Variants in CACNA2D4 observed in about 807,000 individuals in gnomAD.
The protein encoded by CACNA2D4 is calcium voltage-gated channel auxiliary subunit alpha2delta 4.
Under a neutral mutation model 163.8 loss-of-function variants are expected in CACNA2D4, and 157 were observed. The ratio of observed to expected loss-of-function variants is 0.96; its 90% CI spans 0.84 to 1.09. The LOEUF (loss-of-function observed/expected upper bound fraction) is 1.09, where lower values mean the gene tolerates loss of function less well. Ranked by LOEUF, CACNA2D4 falls within the 50% of genes least tolerant of loss-of-function variation. The pLI, the probability that CACNA2D4 is intolerant of heterozygous loss-of-function variation, is 0.00. For synonymous variants in CACNA2D4, 598 were observed against 586.9 expected (o/e 1.02, Z -0.27); for missense variants, 1,410 against 1,479.9 (o/e 0.95, Z 0.78).
intron 18 of CACNA2D4, among the ~76,000 whole-genome samples, chr12:1,871,894 T>C (rs1865796217): frequency 6.6e-6 from 1 of 152,208 alleles, no homozygotes; most frequent in Non-Finnish European, 1.5e-5. Flanking sequence ...TTGTTTGAAA[T>C]GATCAAAAAC....
chr12:1,864,157 T>C (rs1865588567), intron 18 of CACNA2D4, among the ~76,000 whole-genome samples: 2 of 152,214 alleles, frequency 1.3e-5, no homozygotes, highest in African/African-American at 2.4e-5. Flanking sequence ...TGTAATTTCA[T>C]GAGCATGTCA....
chr12:1,903,865 C>G lies in CACNA2D4; in HGVS notation c.781+3575G>C, dbSNP rs556378998. Reference sequence around the variant, plus strand: ...ACCATGTGATCCAGCCATCCCACTGCTAGGTATCTACCTAAAAGAAAGAAA... The same window carrying G: ...ACCATGTGATCCAGCCATCCCACTGGTAGGTATCTACCTAAAAGAAAGAAA... On this transcript the variant is annotated intron_variant, in intron 6 of 37. Transcript: ENST00000382722. Among the ~76,000 whole-genome samples, 4 of 152,160 alleles carry G rather than the reference C, an allele frequency of 2.6e-5. No homozygotes were observed. The South Asian group carries it at 6.2e-4, about 24-fold the overall frequency.
chr12:1,818,683 T>A (rs866054236), intron 26 of CACNA2D4, among the ~76,000 whole-genome samples: 173 of 131,962 alleles, frequency 1.3e-3, no homozygotes, highest in Middle Eastern at 4.2e-3. Context: ...CTTTGTTCAC[T>A]TGTTTATCTG....
Position 1,860,134 on chromosome 12 carries a change from G to C in CACNA2D4, c.1940+11C>G. On this transcript the variant is annotated intron_variant, in intron 19 of 37. Coordinates refer to ENST00000382722, the MANE Select transcript of CACNA2D4 (RefSeq NM_172364.5). ...CCCTCACCCCGTGCAAATAAAGCCTGTGTCCCTCACCTGAAAGGGGTGTCG... is the reference window on the plus strand; with the variant it reads ...CCCTCACCCCGTGCAAATAAAGCCTCTGTCCCTCACCTGAAAGGGGTGTCG... The C allele has an allele frequency of 6.2e-7, 1 of 1,609,004 alleles. No individual in the cohort carries two copies. The highest frequency in any genetic ancestry group is 8.5e-7 in the Non-Finnish European group (1 of 1,175,490).
intron 18 of CACNA2D4, among the ~76,000 whole-genome samples, chr12:1,872,199 G>A (rs988746939): frequency 1.3e-5 from 2 of 152,106 alleles, no homozygotes; most frequent in African/African-American, 2.4e-5. Context: ...GGTCTTAGCC[G>A]TCTCCTGCAG....
At chr12:1,868,140 C>T (rs899836476) in intron 18 of CACNA2D4, among the ~76,000 whole-genome samples, 2 of 152,192 alleles carry the variant, frequency 1.3e-5, no homozygotes, top group South Asian at 2.1e-4. Context: ...AAGGACATCA[C>T]CACCTCATAA....
intron 29 of CACNA2D4, among the ~76,000 whole-genome samples, chr12:1,808,160 A>C (rs1354081904): frequency 4.6e-5 from 7 of 152,168 alleles, no homozygotes; most frequent in Admixed American, 3.3e-4. Context: ...GGGACCCTGG[A>C]GGGACCCTGG....
At chr12:1,809,662 G>C in intron 29 of CACNA2D4, 1 of 664,768 alleles carries the variant, frequency 1.5e-6, no homozygotes, top group South Asian at 1.7e-5. Flanking sequence ...GCACATGCTG[G>C]GTTCAGGGAG....
Position 1,875,366 on chromosome 12 carries a change from A to G in CACNA2D4, c.1720-29T>C. Reference sequence around the variant, plus strand: ...GAGTGGGCAGGTCAGGAAGAAAAACATGTGGTCAGTATACGTCCTGCTCAA... The same window carrying G: ...GAGTGGGCAGGTCAGGAAGAAAAACGTGTGGTCAGTATACGTCCTGCTCAA... On this transcript the variant is annotated intron_variant, in intron 16 of 37. Transcript: ENST00000382722. The surrounding 1 kb of genome is among the most constrained non-coding windows in gnomAD (Gnocchi z 4.0). The G allele has an allele frequency of 6.9e-7, 1 of 1,442,746 alleles. No homozygotes were observed. Among genetic ancestry groups the G allele is most frequent in the East Asian group, 2.3e-5 (1 of 44,092 alleles). 89.4% of individuals were successfully genotyped at this position (1,442,746 alleles called of 1,614,324 possible).
At chr12:1,841,581 C>G (rs1379019237) in intron 25 of CACNA2D4, among the ~76,000 whole-genome samples, 3 of 152,248 alleles carry the variant, frequency 2.0e-5, no homozygotes, top group Non-Finnish European at 2.9e-5. Flanking sequence ...TCTTAATTCT[C>G]ATCAGTCCTT....
chr12:1,854,249 T>G (rs1394490355), intron 22 of CACNA2D4, among the ~76,000 whole-genome samples: 1 of 152,208 alleles, frequency 6.6e-6, no homozygotes, highest in African/African-American at 2.4e-5. Flanking sequence ...GTACAACAGC[T>G]TGATATCTGA....
Position 1,841,887 on chromosome 12 carries a change from G to A in CACNA2D4, c.2471-1068C>T, listed in dbSNP as rs571168481. On this transcript the variant is annotated intron_variant, in intron 25 of 37. Transcript: ENST00000382722. ...ACCTAAAACTGCAGTCTGATTCCAGGAACTTCCAATATGTAAGGTTGTCCT... is the reference window on the plus strand; with the variant it reads ...ACCTAAAACTGCAGTCTGATTCCAGAAACTTCCAATATGTAAGGTTGTCCT... Among the ~76,000 whole-genome samples, 3 of 152,142 alleles carry A rather than the reference G, an allele frequency of 2.0e-5. No homozygotes were observed. In the South Asian group the frequency reaches 6.2e-4, roughly 32 times the overall value.
At position 1,805,562 on chromosome 12, in the gene CACNA2D4, C is replaced by T. The variant is rs1490875766; in HGVS notation, c.2722-3918G>A. 2.0e-5 allele frequency among the ~76,000 whole-genome samples: 3 copies of T among 152,236 alleles called. No homozygotes were observed. In the East Asian group the frequency reaches 5.8e-4, roughly 29 times the overall value. ...GCTTGTGCAGCCTCACCTGCCCCTCCGTCCTCCAGGCTGCAGTCTCTTAAG... is the reference window on the plus strand; with the variant it reads ...GCTTGTGCAGCCTCACCTGCCCCTCTGTCCTCCAGGCTGCAGTCTCTTAAG... On this transcript the variant is annotated intron_variant, in intron 29 of 37. Transcript: ENST00000382722.
chr12:1,900,990 C>A lies in CACNA2D4; in HGVS notation c.781+6450G>T, dbSNP rs190607588. Reference sequence around the variant, plus strand: ...AAACATTTCAAAAAAATTGAAATAACATAAAGTATTTTCTCTGATCACAAT... The same window carrying A: ...AAACATTTCAAAAAAATTGAAATAAAATAAAGTATTTTCTCTGATCACAAT... On this transcript the variant is annotated intron_variant, in intron 6 of 37. Coordinates refer to ENST00000382722, the MANE Select transcript of CACNA2D4 (RefSeq NM_172364.5). 1.0e-3 allele frequency among the ~76,000 whole-genome samples: 159 copies of A among 152,166 alleles called. 2 individuals are homozygous for A. The highest frequency in any genetic ancestry group is 2.4e-4 in the Non-Finnish European group (16 of 67,982).
At position 1,844,530 on chromosome 12, in the gene CACNA2D4, C is replaced by CT; in HGVS notation, c.2343-2dup. On this transcript the variant is annotated splice_acceptor_variant, in intron 24 of 37. Coordinates refer to ENST00000382722, the MANE Select transcript of CACNA2D4 (RefSeq NM_172364.5). LOFTEE classifies it high-confidence loss of function. The surrounding 1 kb of genome is among the most constrained non-coding windows in gnomAD (Gnocchi z 4.2). ...CTCGTCCTCAGGTGTCAGGAACTTC[C>CT]TGCAAGGAGGAAGATGTGGTACCTC... The CT allele has an allele frequency of 6.2e-7, 1 of 1,612,188 alleles. No individual in the cohort carries two copies. The highest frequency in any genetic ancestry group is 8.5e-7 in the Non-Finnish European group (1 of 1,178,952).
Position 1,843,512 on chromosome 12 carries a change from G to A in CACNA2D4, c.2470+890C>T, listed in dbSNP as rs996242979. 3.9e-5 allele frequency among the ~76,000 whole-genome samples: 6 copies of A among 152,164 alleles called. No individual in the cohort carries two copies. The highest frequency in any genetic ancestry group is 1.4e-4 in the African/African-American group (6 of 41,430). On this transcript the variant is annotated intron_variant, in intron 25 of 37. Coordinates refer to ENST00000382722, the MANE Select transcript of CACNA2D4 (RefSeq NM_172364.5). The surrounding 1 kb of genome is among the most constrained non-coding windows in gnomAD (Gnocchi z 4.6). ...ACTCTCCAGGCCCCTGGATCCATGT[G>A]CTGGAATGGGATCAGCCGCCCCAGC... is the stretch of plus-strand genomic sequence containing the variant.
At chr12:1,902,795 C>G (rs1039238851) in intron 6 of CACNA2D4, among the ~76,000 whole-genome samples, 5 of 150,534 alleles carry the variant, frequency 3.3e-5, no homozygotes, top group African/African-American at 1.2e-4. Context: ...CTACCCAAAG[C>G]AATCTACACA....
intron 23 of CACNA2D4, among the ~76,000 whole-genome samples, chr12:1,850,586 A>G (rs73047930): frequency 0.069 from 10,564 of 152,112 alleles, 541 homozygotes; most frequent in Non-Finnish European, 0.1. Context: ...TGCCATAGAA[A>G]CATATTTTTT....
At chr12:1,840,677 A>C in intron 26 of CACNA2D4, 62 bp downstream of exon 26, 1 of 1,398,816 alleles carries the variant, frequency 7.1e-7, no homozygotes, top group Non-Finnish European at 1.0e-6. Flanking sequence ...GCTGTGATCT[A>C]TGCCTTGCTC....
Sources: gnomAD v4.1 joint callset for allele counts (sites outside exome capture counted in the v4.1 genomes callset) on GRCh38, gnomAD v4.1.1 for gene constraint, Gnocchi (gnomAD v3.1) non-coding constraint, MANE v1.5 for transcripts, NCBI Gene and HGNC (gene_info 2026-07-23, HGNC 2026-07-21) for gene names.